Variants in PAFAH1B2 observed in about 807,000 individuals in gnomAD.
PAFAH1B2 encodes platelet-activating factor acetylhydrolase IB subunit alpha2.
PAFAH1B2 carries 8 observed loss-of-function variants against 28.0 expected under a neutral mutation model. The observed-to-expected ratio is 0.29, with a 90% CI of 0.17 to 0.52. The LOEUF (loss-of-function observed/expected upper bound fraction) is 0.52. Ranked by LOEUF, PAFAH1B2 falls within the 20% of genes least tolerant of loss-of-function variation. PAFAH1B2 has a pLI of 0.97. For synonymous variants in PAFAH1B2, 104 were observed against 103.2 expected, an observed-to-expected ratio of 1.01 and a Z score of -0.05; for missense variants, 190 against 282.6, an observed-to-expected ratio of 0.67 and a Z score of 2.35.
intron 2 of PAFAH1B2, among the ~76,000 whole-genome samples, chr11:117,153,535 C>T (rs1047781103): frequency 1.3e-5 from 2 of 152,058 alleles, no homozygotes; most frequent in Admixed American, 1.3e-4. Flanking sequence ...GGATTACAGG[C>T]GCCCGCCACC....
intron 2 of PAFAH1B2, among the ~76,000 whole-genome samples, chr11:117,154,002 A>G (rs1956211332): frequency 1.3e-5 from 2 of 151,128 alleles, no homozygotes. Flanking sequence ...AGGCCAGGGC[A>G]GGTTGGGAAG....
chr11:117,146,815 A>G (rs1956020678), intron 1 of PAFAH1B2, among the ~76,000 whole-genome samples: 1 of 147,348 alleles, frequency 6.8e-6, no homozygotes, highest in Admixed American at 7.0e-5. Context: ...AGCCTGAACA[A>G]TATGGTGAGA....
chr11:117,152,435 T>C lies in PAFAH1B2; in HGVS notation c.-7-6T>C, dbSNP rs1325986274. 3.1e-6 allele frequency: 5 copies of C among 1,596,496 alleles called. No homozygotes were observed. Among genetic ancestry groups the C allele is most frequent in the Non-Finnish European group, 4.3e-6 (5 of 1,164,070 alleles). On this transcript the variant is annotated splice_region_variant and splice_polypyrimidine_tract_variant and intron_variant, in intron 1 of 5. Coordinates refer to ENST00000527958, the MANE Select transcript of PAFAH1B2 (RefSeq NM_002572.4). ...AATGAAACATGACATAGACGTTTTTTCTCAGGTGTAGAATGAGCCAAGGAG... is the reference window on the plus strand; with the variant it reads ...AATGAAACATGACATAGACGTTTTTCCTCAGGTGTAGAATGAGCCAAGGAG...
At chr11:117,147,161 G>A (rs990124979) in intron 1 of PAFAH1B2, among the ~76,000 whole-genome samples, 9 of 152,074 alleles carry the variant, frequency 5.9e-5, no homozygotes, top group Non-Finnish European at 1.2e-4. Context: ...CCCAGTACTC[G>A]GGATGCTGAG....
Position 117,163,952 on chromosome 11 carries a change from T to C in PAFAH1B2, c.411+60T>C. ...CTTTAGGTCAGCTGAGGAATCTTTT[T>C]AGAAATGTGATTGCTCATGAATATT... On this transcript the variant is annotated intron_variant, in intron 5 of 5. Coordinates refer to ENST00000527958, the MANE Select transcript of PAFAH1B2 (RefSeq NM_002572.4). 4.5e-6 allele frequency: 7 copies of C among 1,554,578 alleles called. No individual in the cohort carries two copies. The South Asian group carries it at 6.8e-5, about 15-fold the overall frequency.
chr11:117,165,755 G>C (rs1034046683), intron 5 of PAFAH1B2, among the ~76,000 whole-genome samples: 1 of 152,078 alleles, frequency 6.6e-6, no homozygotes, highest in African/African-American at 2.4e-5. Flanking sequence ...GTATGTGTTT[G>C]TTGGGTGAGC....
intron 4 of PAFAH1B2, among the ~76,000 whole-genome samples, chr11:117,161,531 T>C (rs1956370318): frequency 6.8e-6 from 1 of 146,514 alleles, no homozygotes. Flanking sequence ...TTTTTTGAGA[T>C]GGAGTCTTGC....
At chr11:117,153,379 T>TTTG (rs1555029009) in intron 2 of PAFAH1B2, among the ~76,000 whole-genome samples, 1 of 151,742 alleles carries the variant, frequency 6.6e-6, no homozygotes, top group African/African-American at 2.4e-5. Flanking sequence ...TAGTTTTTTT[T>TTTG]TTGTTGTTGT....
chr11:117,152,636 T>G (rs182359971), intron 2 of PAFAH1B2, 108 bp downstream of exon 2: 58 of 775,402 alleles, frequency 7.5e-5, no homozygotes, highest in Non-Finnish European at 1.2e-4. Context: ...CAGGCTGATC[T>G]CAAACTGCAG....
At chr11:117,172,874 TTG>T (rs1956703047), downstream of PAFAH1B2, among the ~76,000 whole-genome samples, 1 of 152,184 alleles carries the variant, frequency 6.6e-6, no homozygotes, top group Non-Finnish European at 1.5e-5. Context: ...TGGCTAGTTT[TTG>T]TGTTTTTAGT....
At chr11:117,174,788 TA>T, downstream of PAFAH1B2, 1 of 649,626 alleles carries the variant, frequency 1.5e-6, no homozygotes, top group Admixed American at 3.4e-5. Flanking sequence ...TAATTTTCTG[TA>T]TTTTTAGTAG....
downstream of PAFAH1B2, among the ~76,000 whole-genome samples, chr11:117,172,394 ATATATATATATTTTTTTTTTTTT>A (rs1956688488): frequency 1.9e-3 from 4 of 2,146 alleles, no homozygotes; most frequent in Admixed American, 0.012. Flanking sequence ...ATATATATAT[ATATATATATATTTTTTTTTTTTT>A]TTTTTTTTTT....
intron 2 of PAFAH1B2, 132 bp downstream of exon 2, chr11:117,152,660 C>T (rs1956178277): frequency 3.0e-6 from 2 of 665,862 alleles, no homozygotes; most frequent in South Asian, 3.5e-5. Context: ...TCAAGTGATC[C>T]TCCCACTTCA....
chr11:117,173,077 G>A (rs1956707670), downstream of PAFAH1B2, among the ~76,000 whole-genome samples: 1 of 152,200 alleles, frequency 6.6e-6, no homozygotes, highest in African/African-American at 2.4e-5. Flanking sequence ...TTTTATCGGT[G>A]ATCTTTGGAG....
At chr11:117,174,260 T>C (rs1956733297), downstream of PAFAH1B2, among the ~76,000 whole-genome samples, 1 of 148,358 alleles carries the variant, frequency 6.7e-6, no homozygotes, top group South Asian at 2.2e-4. Flanking sequence ...GGTCGCACAC[T>C]GCAACCTCTG....
intron 2 of PAFAH1B2, among the ~76,000 whole-genome samples, chr11:117,154,291 G>A (rs966144358): frequency 2.0e-5 from 3 of 151,998 alleles, no homozygotes; most frequent in Admixed American, 6.6e-5. Context: ...AGTTCAAGAC[G>A]AAGGAAAGGA....
rs759235828 is a variant in PAFAH1B2 at position 117,167,541 on chromosome 11, G to A, written c.532G>A (p.Gly178Ser). 2.5e-6 allele frequency: 4 copies of A among 1,613,184 alleles called. No individual in the cohort carries two copies. In the South Asian group the frequency reaches 4.4e-5, roughly 18 times the overall value. Residue 178 changes from glycine to serine, a missense_variant, in exon 6 of 6, where the codon GGT (glycine) becomes AGT (serine). Coordinates refer to ENST00000527958, the MANE Select transcript of PAFAH1B2 (RefSeq NM_002572.4). ...ANVQLLDTDG[G>S]FVHSDGAISC... ...CGTGCAGCTCCTGGATACCGACGGG[G>A]GTTTTGTGCACTCGGACGGTGCCAT...
chr11:117,147,855 T>C (rs963454889), intron 1 of PAFAH1B2, among the ~76,000 whole-genome samples: 2 of 152,218 alleles, frequency 1.3e-5, no homozygotes, highest in African/African-American at 4.8e-5. Context: ...TCTTCCTGCC[T>C]TGTAGCTTCA....
intron 2 of PAFAH1B2, among the ~76,000 whole-genome samples, chr11:117,156,741 C>T (rs955436478): frequency 6.6e-6 from 1 of 152,084 alleles, no homozygotes; most frequent in African/African-American, 2.4e-5. Context: ...GTAGTTGGGG[C>T]CGGGCACGGT....
Sources: allele counts gnomAD v4.1 joint callset (sites outside exome capture counted in the v4.1 genomes callset), GRCh38; gene constraint gnomAD v4.1.1; transcripts MANE v1.5; gene names NCBI Gene and HGNC (gene_info 2026-07-23, HGNC 2026-07-21).